EYS: variants seen among roughly 807,000 people sequenced by gnomAD.
The protein encoded by EYS is EGF-like photoreceptor maintenance factor.
Under a neutral mutation model 282.1 loss-of-function variants are expected in EYS, and 250 were observed. The ratio of observed to expected loss-of-function variants is 0.89; its 90% confidence interval spans 0.80 to 0.98. The LOEUF is 0.98. Among genes scored for constraint, EYS ranks in the 50% least tolerant of loss-of-function variants. The probability of loss-of-function intolerance (pLI) is 0.00; values close to 1 mark genes in which losing one functional copy is unlikely to be tolerated. For missense variants in EYS, 4,016 were observed against 3,709.0 expected (o/e 1.08, Z -2.15); for synonymous variants, 1,355 against 1,282.9 (o/e 1.06, Z -1.20).
chr6:64,845,103 A>C (rs756690675), intron 19 of EYS, among the ~76,000 whole-genome samples: 1 of 152,068 alleles, frequency 6.6e-6, no homozygotes, highest in Non-Finnish European at 1.5e-5. Flanking sequence ...AGCCTGGGCA[A>C]TATAGTAAGA....
chr6:64,247,886 A>C (rs539982221), intron 30 of EYS, among the ~76,000 whole-genome samples: 1 of 152,310 alleles, frequency 6.6e-6, no homozygotes, highest in East Asian at 1.9e-4. Flanking sequence ...CTTTGAACTA[A>C]AACTTCCTAA....
chr6:65,530,847 T>C (rs1164101495), intron 2 of EYS, among the ~76,000 whole-genome samples: 1 of 152,172 alleles, frequency 6.6e-6, no homozygotes. Flanking sequence ...TTTTGTTCCT[T>C]GTGCTTGCAC....
intron 20 of EYS, 40 bp from the exon 21 acceptor site, chr6:64,821,763 A>AT (rs1481975910): frequency 5.1e-6 from 6 of 1,166,970 alleles, no homozygotes; most frequent in Non-Finnish European, 6.2e-6. Context: ...AAATAAGTAG[A>AT]TGTTAAAGCA....
chr6:65,058,617 G>A (rs2150158121), intron 12 of EYS, among the ~76,000 whole-genome samples: 1 of 150,688 alleles, frequency 6.6e-6, no homozygotes, highest in Non-Finnish European at 1.5e-5. Flanking sequence ...AAGCCTATAT[G>A]GAAAGAAAAC....
intron 19 of EYS, among the ~76,000 whole-genome samples, chr6:64,872,414 G>A (rs927223553): frequency 1.3e-5 from 2 of 151,988 alleles, no homozygotes; most frequent in Non-Finnish European, 2.9e-5. Context: ...AAAACCAATG[G>A]TGCAGTAAGT....
At chr6:65,460,143 G>GA (rs1562198150) in intron 5 of EYS, among the ~76,000 whole-genome samples, 2 of 149,194 alleles carry the variant, frequency 1.3e-5, no homozygotes, top group African/African-American at 4.9e-5. Context: ...AATGGAGAGA[G>GA]AAAAAATAAA....
chr6:64,303,797 C>T (rs1175775381), intron 30 of EYS, among the ~76,000 whole-genome samples: 7 of 135,030 alleles, frequency 5.2e-5, no homozygotes, highest in Non-Finnish European at 3.1e-5. Flanking sequence ...GTCGAGATCG[C>T]GCCACTGCAC....
At chr6:64,453,923 T>G (rs922699591) in intron 26 of EYS, among the ~76,000 whole-genome samples, 30 of 152,166 alleles carry the variant, frequency 2.0e-4, no homozygotes, top group African/African-American at 7.2e-4. Context: ...CGAGTTAATG[T>G]GTGCAGCACA....
chr6:64,815,238 T>C (rs766490666), intron 21 of EYS: 5 of 464,044 alleles, frequency 1.1e-5, no homozygotes, highest in Non-Finnish European at 2.2e-5. Context: ...CGTGAACTTG[T>C]TAAGAAAAAC....
intron 2 of EYS, among the ~76,000 whole-genome samples, chr6:65,552,445 G>A (rs9363393): frequency 0.15 from 23,481 of 152,058 alleles, 2,289 homozygotes; most frequent in East Asian, 0.28. Flanking sequence ...ACATGAAAAT[G>A]AAATTGGCTT....
chr6:63,886,517 A>G (rs928445422), intron 35 of EYS, among the ~76,000 whole-genome samples: 8 of 152,228 alleles, frequency 5.3e-5, no homozygotes, highest in African/African-American at 7.2e-5. Context: ...AAGTAATGCT[A>G]TGCAAGTTTC....
At chr6:65,209,060 T>C (rs567932584) in intron 12 of EYS, among the ~76,000 whole-genome samples, 3 of 152,040 alleles carry the variant, frequency 2.0e-5, no homozygotes, top group Middle Eastern at 6.8e-3. Context: ...TTGATGTTAT[T>C]CCAGTGCCTT....
intron 2 of EYS, among the ~76,000 whole-genome samples, chr6:65,626,113 C>T (rs145846022): frequency 0.014 from 2,055 of 152,156 alleles, 15 homozygotes; most frequent in African/African-American, 0.018. Flanking sequence ...TAAGAGGTTC[C>T]ACAAATATCA....
At position 65,577,056 on chromosome 6, in the gene EYS, T is replaced by C. The variant is rs12201445; in HGVS notation, c.-333+62722A>G. On this transcript the variant is annotated intron_variant, in intron 2 of 42. Transcript: ENST00000503581. ...ATTTCAATGACATTTTTCACAAAAA[T>C]AGACAAAATAATTTTAAAATTTAAA... Among the ~76,000 whole-genome samples the C allele has an allele frequency of 7.5e-3, 1,144 of 151,876 alleles. 4 individuals are homozygous for C. The highest frequency in any genetic ancestry group is 0.012 in the Non-Finnish European group (807 of 67,790).
chr6:63,876,851 C>A (rs915804936), intron 35 of EYS, among the ~76,000 whole-genome samples: 2 of 151,976 alleles, frequency 1.3e-5, no homozygotes, highest in African/African-American at 4.8e-5. Context: ...TTATTTTGAG[C>A]CTATGTGTGT....
intron 41 of EYS, among the ~76,000 whole-genome samples, chr6:63,756,213 A>C (rs1207950094): frequency 6.6e-6 from 1 of 152,220 alleles, no homozygotes; most frequent in Admixed American, 6.5e-5. Context: ...GCCGGTTTTC[A>C]AAGGGAATGC....
chr6:65,429,132 A>G (rs1248004909), intron 5 of EYS, among the ~76,000 whole-genome samples: 1 of 151,880 alleles, frequency 6.6e-6, no homozygotes, highest in Admixed American at 6.6e-5. Flanking sequence ...GTGAGTGGAG[A>G]TGCACCATTA....
At chr6:65,419,587 C>A (rs575008654) in intron 5 of EYS, among the ~76,000 whole-genome samples, 16 of 151,656 alleles carry the variant, frequency 1.1e-4, no homozygotes, top group African/African-American at 3.4e-4. Context: ...ATTTCACATG[C>A]GATTTTAAAT....
chr6:65,464,951 C>T (rs1764947504), intron 5 of EYS, among the ~76,000 whole-genome samples: 1 of 152,038 alleles, frequency 6.6e-6, no homozygotes, highest in Admixed American at 6.6e-5. Context: ...ATTGGGGTAG[C>T]TTTCACTTCT....
Sources: allele counts gnomAD v4.1 joint callset (sites outside exome capture counted in the v4.1 genomes callset), GRCh38; gene constraint gnomAD v4.1.1; transcripts MANE v1.5; gene names NCBI Gene and HGNC (gene_info 2026-07-23, HGNC 2026-07-21).